Variants in NRG3 observed in about 807,000 individuals in gnomAD.
The protein encoded by NRG3 is neuregulin 3.
Under a neutral mutation model 66.9 loss-of-function variants are expected in NRG3, and 31 were observed. The observed-to-expected ratio is 0.46, with a 90% CI of 0.35 to 0.63. The LOEUF is 0.63. Among genes scored for constraint, NRG3 ranks in the 20% least tolerant of loss-of-function variants. The probability of loss-of-function intolerance (pLI) is 0.00; values close to 1 mark genes in which losing one functional copy is unlikely to be tolerated. For missense variants in NRG3, 910 were observed against 878.9 expected (o/e 1.04, Z -0.45); for synonymous variants, 393 against 359.4 (o/e 1.09, Z -1.06).
intron 1 of NRG3, among the ~76,000 whole-genome samples, chr10:81,971,322 T>C (rs2059926088): frequency 6.6e-6 from 1 of 152,218 alleles, no homozygotes; most frequent in Non-Finnish European, 1.5e-5. Flanking sequence ...GGTCTTGGCA[T>C]ATGGGTGGTA....
intron 1 of NRG3, among the ~76,000 whole-genome samples, chr10:82,282,380 T>G (rs1480690132): frequency 6.6e-6 from 1 of 152,150 alleles, no homozygotes; most frequent in Non-Finnish European, 1.5e-5. Context: ...GTTGTGGATC[T>G]GTGTCTTGAA....
intron 3 of NRG3, among the ~76,000 whole-genome samples, chr10:82,798,974 C>A (rs1180950247): frequency 6.6e-6 from 1 of 152,058 alleles, no homozygotes; most frequent in Non-Finnish European, 1.5e-5. Flanking sequence ...CTGGGAGATA[C>A]TCAAGGTTCA....
chr10:82,571,441 C>T (rs1237707341), intron 2 of NRG3, among the ~76,000 whole-genome samples: 1 of 151,626 alleles, frequency 6.6e-6, no homozygotes, highest in Non-Finnish European at 1.5e-5. Context: ...TTATACATCA[C>T]TATTTGGAGT....
intron 1 of NRG3, among the ~76,000 whole-genome samples, chr10:81,975,938 A>G (rs2060109032): frequency 6.6e-6 from 1 of 152,142 alleles, no homozygotes; most frequent in Non-Finnish European, 1.5e-5. Context: ...GAAGGGGGCT[A>G]TAAGCTGAGA....
intron 2 of NRG3, among the ~76,000 whole-genome samples, chr10:82,717,110 G>C (rs577657896): frequency 6.6e-6 from 1 of 152,166 alleles, no homozygotes; most frequent in East Asian, 1.9e-4. Flanking sequence ...CCGAATGATA[G>C]AGTGGCAGTA....
intron 1 of NRG3, among the ~76,000 whole-genome samples, chr10:82,260,166 T>A (rs2077950479): frequency 6.6e-6 from 1 of 152,178 alleles, no homozygotes; most frequent in African/African-American, 2.4e-5. Context: ...ATAGTCAGGC[T>A]AAAGGGCTTA....
intron 1 of NRG3, among the ~76,000 whole-genome samples, chr10:81,881,333 G>A (rs1445179232): frequency 6.6e-6 from 1 of 151,946 alleles, no homozygotes; most frequent in Non-Finnish European, 1.5e-5. Flanking sequence ...GAGTGCTTAA[G>A]TTGATGTAGA....
chr10:82,048,869 A>T (rs987350387), intron 1 of NRG3, among the ~76,000 whole-genome samples: 1 of 151,708 alleles, frequency 6.6e-6, no homozygotes, highest in Non-Finnish European at 1.5e-5. Flanking sequence ...TAATAAAGAA[A>T]AAAAGAGAGA....
At chr10:82,937,950 C>T (rs573786281) in intron 4 of NRG3, among the ~76,000 whole-genome samples, 35 of 152,218 alleles carry the variant, frequency 2.3e-4, no homozygotes, top group Middle Eastern at 3.4e-3. Context: ...CGGTAAGTCT[C>T]ATATAAAAAG....
intron 1 of NRG3, among the ~76,000 whole-genome samples, chr10:81,919,605 G>T (rs553205542): frequency 6.6e-6 from 1 of 152,236 alleles, no homozygotes; most frequent in Admixed American, 6.5e-5. Context: ...TAAAGATGGG[G>T]TGGAATTCTT....
At chr10:82,476,701 G>A (rs1291901001) in intron 2 of NRG3, among the ~76,000 whole-genome samples, 4 of 152,142 alleles carry the variant, frequency 2.6e-5, no homozygotes, top group Admixed American at 2.6e-4. Flanking sequence ...CAAGGGATGT[G>A]TATAGAGGGA....
intron 4 of NRG3, among the ~76,000 whole-genome samples, chr10:82,911,800 C>T (rs1434231763): frequency 6.6e-6 from 1 of 151,356 alleles, no homozygotes; most frequent in Non-Finnish European, 1.5e-5. Flanking sequence ...TATTGATCTT[C>T]CTTTTCTAGT....
chr10:82,764,080 C>T (rs779165259), intron 3 of NRG3, among the ~76,000 whole-genome samples: 8 of 151,908 alleles, frequency 5.3e-5, no homozygotes, highest in Non-Finnish European at 7.4e-5. Context: ...AGTCTGTCAC[C>T]CTGAAGTACA....
intron 1 of NRG3, among the ~76,000 whole-genome samples, chr10:82,238,911 C>T (rs1482163644): frequency 4.6e-5 from 4 of 87,880 alleles, no homozygotes; most frequent in African/African-American, 8.7e-5. Context: ...TAGGTTATAC[C>T]GTATATATAT....
intron 2 of NRG3, among the ~76,000 whole-genome samples, chr10:82,421,561 T>C (rs1019566341): frequency 6.6e-6 from 1 of 152,100 alleles, no homozygotes; most frequent in Admixed American, 6.6e-5. Flanking sequence ...TAGGGCTGAA[T>C]TGTTGGTTGC....
At chr10:82,133,184 G>T (rs1028723282) in intron 1 of NRG3, among the ~76,000 whole-genome samples, 1 of 151,832 alleles carries the variant, frequency 6.6e-6, no homozygotes, top group Admixed American at 6.6e-5. Flanking sequence ...CTTTTTTGAT[G>T]TAGGCTCTTA....
chr10:82,223,724 TACAGGCACACACTTC>T (rs2076048789), intron 1 of NRG3, among the ~76,000 whole-genome samples: 1 of 150,572 alleles, frequency 6.6e-6, no homozygotes, highest in Non-Finnish European at 1.5e-5. Flanking sequence ...CACTAACATA[TACAGGCACACACTTC>T]ACAGACACAC....
intron 2 of NRG3, among the ~76,000 whole-genome samples, chr10:82,709,570 G>A (rs1481161949): frequency 6.6e-6 from 1 of 151,948 alleles, no homozygotes; most frequent in Non-Finnish European, 1.5e-5. Context: ...TAGTAGAGAC[G>A]GGGTTTAACC....
chr10:81,972,922 CT>C (rs1468652927), intron 1 of NRG3, among the ~76,000 whole-genome samples: 5 of 152,018 alleles, frequency 3.3e-5, no homozygotes, highest in African/African-American at 1.2e-4. Context: ...AAAAAACAAT[CT>C]TTTTTAACTT....
Sources: allele counts gnomAD v4.1 joint callset (sites outside exome capture counted in the v4.1 genomes callset), GRCh38; gene constraint gnomAD v4.1.1; transcripts MANE v1.5; gene names NCBI Gene and HGNC (gene_info 2026-07-23, HGNC 2026-07-21).